Variants in RUFY3 observed in about 807,000 individuals in gnomAD.
RUFY3 encodes RUN and FYVE domain containing 3.
In RUFY3, 34 loss-of-function variants were observed where a neutral mutation model predicts 84.0. The ratio of observed to expected loss-of-function variants is 0.40; its 90% CI spans 0.31 to 0.54. The LOEUF (loss-of-function observed/expected upper bound fraction) is 0.54, where lower values mean the gene tolerates loss of function less well. RUFY3 is among the 20% of genes least tolerant of loss of function. The probability of loss-of-function intolerance (pLI) is 0.39; values close to 1 mark genes in which losing one functional copy is unlikely to be tolerated. For missense variants in RUFY3, 507 were observed against 736.8 expected, an observed-to-expected ratio of 0.69 and a Z score of 3.61; for synonymous variants, 242 against 252.9, an observed-to-expected ratio of 0.96 and a Z score of 0.41.
At chr4:70,710,226 A>G (rs988789901) in intron 1 of RUFY3, among the ~76,000 whole-genome samples, 5 of 152,252 alleles carry the variant, frequency 3.3e-5, no homozygotes, top group Non-Finnish European at 5.9e-5. Flanking sequence ...ACAAGTATAC[A>G]GATATGTATA....
chr4:70,789,072 G>A, intron 11 of RUFY3, 99 bp downstream of exon 11: 1 of 1,481,202 alleles, frequency 6.8e-7, no homozygotes, highest in Non-Finnish European at 9.0e-7. Flanking sequence ...ATTACAAGAG[G>A]AAAGAATCAC....
At chr4:70,783,820 T>C (rs141712623) in intron 9 of RUFY3, among the ~76,000 whole-genome samples, 83 of 152,338 alleles carry the variant, frequency 5.4e-4, no homozygotes, top group African/African-American at 1.9e-3. Context: ...CACTTAAATA[T>C]TCCCCGATTT....
At position 70,759,356 on chromosome 4, in the gene RUFY3, T is replaced by TGTGTGTGTGTGTG. The variant is rs58429331; in HGVS notation, c.179-3163_179-3162insGTGTGTGTGTGTG. Among the ~76,000 whole-genome samples the TGTGTGTGTGTGTG allele has an allele frequency of 2.2e-4, 27 of 120,006 alleles. 1 individual carries two copies. The highest frequency in any genetic ancestry group is 8.3e-3 in the Middle Eastern group (2 of 240). 78.7% of individuals were successfully genotyped at this position (120,006 alleles called of 152,430 possible). A position where few individuals can be genotyped will look rare whatever the true frequency, so the allele number is the denominator to read the frequency against. ...GATTTCATTCTTTTTATGGCTGAAT[T>TGTGTGTGTGTGTG]TGTGTGTGTGTGTGTATGTGTGTGT... On this transcript the variant is annotated intron_variant, in intron 1 of 17. Transcript: ENST00000381006.
intron 4 of RUFY3, 24 bp from the exon 5 acceptor site, chr4:70,768,514 G>A (rs1035673354): frequency 8.7e-6 from 14 of 1,605,270 alleles, no homozygotes; most frequent in Non-Finnish European, 1.2e-5. Context: ...TTACAATAAG[G>A]AATTCTGTGG....
At chr4:70,770,507 C>A (rs1220645086) in intron 5 of RUFY3, among the ~76,000 whole-genome samples, 2 of 152,186 alleles carry the variant, frequency 1.3e-5, no homozygotes, top group Non-Finnish European at 2.9e-5. Context: ...ACCTCGTAAA[C>A]CAGTGGCTGC....
chr4:70,800,027 A>T, intron 14 of RUFY3, 114 bp from the exon 15 acceptor site: 1 of 890,134 alleles, frequency 1.1e-6, no homozygotes, highest in Non-Finnish European at 1.7e-6. Context: ...CTTCCCTAAT[A>T]AAAAAAGCTA....
intron 7 of RUFY3, among the ~76,000 whole-genome samples, chr4:70,776,532 TG>T (rs34372266): frequency 6.6e-6 from 1 of 152,180 alleles, no homozygotes; most frequent in Admixed American, 6.5e-5. Context: ...CCCAGCACTT[TG>T]GGAGGCCGAG....
rs558546155 is a variant in RUFY3 at position 70,745,981 on chromosome 4, G to A, written c.179-16538G>A. Among the ~76,000 whole-genome samples, 186 of 152,018 alleles carry A rather than the reference G, an allele frequency of 1.2e-3. 1 individual carries two copies. Among genetic ancestry groups the A allele is most frequent in the Non-Finnish European group, 1.6e-3 (109 of 68,014 alleles). ...CTTGAAACTGGGAGGCAGAGGTTGC[G>A]GTGAGCTGAGATCACGCCACTGCAC... On this transcript the variant is annotated intron_variant, in intron 1 of 17. Transcript: ENST00000381006.
At chr4:70,731,123 C>A (rs139556471) in intron 1 of RUFY3, among the ~76,000 whole-genome samples, 17 of 151,598 alleles carry the variant, frequency 1.1e-4, no homozygotes, top group Non-Finnish European at 1.5e-4. Context: ...CTGCAACCTC[C>A]GCCTCCTGGG....
chr4:70,710,613 T>C (rs932396517), intron 1 of RUFY3, among the ~76,000 whole-genome samples: 1 of 152,038 alleles, frequency 6.6e-6, no homozygotes, highest in African/African-American at 2.4e-5. Flanking sequence ...GAGGTTGTGG[T>C]GAGCCGAGAT....
chr4:70,775,593 T>C (rs760019661), intron 7 of RUFY3, among the ~76,000 whole-genome samples: 5 of 152,176 alleles, frequency 3.3e-5, no homozygotes, highest in Admixed American at 6.5e-5. Context: ...TTAGTAGAGA[T>C]AGCTGCATAT....
chr4:70,718,681 C>G (rs1741920646), upstream of RUFY3, among the ~76,000 whole-genome samples: 5 of 152,074 alleles, frequency 3.3e-5, no homozygotes, highest in South Asian at 8.3e-4. Context: ...AAGATGTTTA[C>G]TTAGTAAAGA....
At chr4:70,792,497 TA>T (rs1730979370) in intron 12 of RUFY3, 1 of 985,052 alleles carries the variant, frequency 1.0e-6, no homozygotes, top group Non-Finnish European at 1.2e-6. Context: ...AATAATCCTA[TA>T]AACAGTTTGA....
intron 1 of RUFY3, among the ~76,000 whole-genome samples, chr4:70,743,056 A>G (rs957383236): frequency 6.6e-6 from 1 of 151,838 alleles, no homozygotes; most frequent in African/African-American, 2.4e-5. Context: ...AGCTGCTATT[A>G]TTATTATTAT....
upstream of RUFY3, among the ~76,000 whole-genome samples, chr4:70,718,004 T>A (rs1050416430): frequency 3.4e-5 from 5 of 149,246 alleles, no homozygotes; most frequent in African/African-American, 1.2e-4. Context: ...TGCCTCAGCC[T>A]CCTGAGTAGC....
chr4:70,716,845 CAAAA>C (rs531822773), intron 1 of RUFY3, among the ~76,000 whole-genome samples: 3 of 72,490 alleles, frequency 4.1e-5, no homozygotes, highest in Admixed American at 1.6e-4. Flanking sequence ...AACTCTGTCT[CAAAA>C]AAAAAAAAAA....
At chr4:70,791,711 C>T in intron 12 of RUFY3, 1 of 1,004,594 alleles carries the variant, frequency 1.0e-6, no homozygotes, top group Non-Finnish European at 1.2e-6. Flanking sequence ...TCTGCCATTG[C>T]AGTGTGATGA....
intron 14 of RUFY3, chr4:70,799,831 A>C: frequency 3.9e-6 from 1 of 255,864 alleles, no homozygotes; most frequent in Non-Finnish European, 7.2e-6. Flanking sequence ...AAAAAAAATT[A>C]TACTTCCCCT....
chr4:70,725,936 A>G (rs530313955), intron 1 of RUFY3, among the ~76,000 whole-genome samples: 1 of 152,344 alleles, frequency 6.6e-6, no homozygotes, highest in Non-Finnish European at 1.5e-5. Context: ...AATCTTATTC[A>G]TACTGAAAAG....
Sources: allele counts gnomAD v4.1 joint callset (sites outside exome capture counted in the v4.1 genomes callset), GRCh38; gene constraint gnomAD v4.1.1; transcripts MANE v1.5; gene names NCBI Gene and HGNC (gene_info 2026-07-23, HGNC 2026-07-21).